Variants in TTN observed in about 807,000 individuals in gnomAD.
TTN encodes connectin.
TTN carries 1,525 observed loss-of-function variants against 3,223.0 expected under a neutral mutation model. That is an observed-to-expected ratio of 0.47 (90% CI 0.45 to 0.49). The LOEUF (loss-of-function observed/expected upper bound fraction) is 0.49. Ranked by LOEUF, TTN falls within the 20% of genes least tolerant of loss-of-function variation. TTN has a pLI of 0.00. For missense variants in TTN, 40,786 were observed against 43,424.0 expected (o/e 0.94, Z 5.40); for synonymous variants, 14,094 against 15,161.0 (o/e 0.93, Z 5.17).
chr2:178,550,679 G>A (rs754300481), intron 336 of TTN: 64 of 442,756 alleles, frequency 1.4e-4, no homozygotes, highest in Non-Finnish European at 9.2e-5. Context: ...ACTTATTCTC[G>A]AGAACCTTTT....
In TTN at chr2:178,794,483, C is replaced by A. The variant is rs565472070; in HGVS notation, c.1314G>T (p.Val438=). The A allele has an allele frequency of 1.2e-6, 2 of 1,614,214 alleles. No homozygotes were observed. Among genetic ancestry groups the A allele is most frequent in the Non-Finnish European group, 1.7e-6 (2 of 1,180,028 alleles). ...CTACAGCGCTGATCACTGGTTCTCT[C>A]ACTCTGGCCATATCAACGGCAGCAA... The part of the protein sequence containing the change: ...TVVAAVDMAR[V]REPVISAVEQ... Residue 438 remains valine, a synonymous_variant, in exon 8 of 363, where the codon GTG becomes GTT. Transcript: ENST00000589042.
In TTN at chr2:178,534,430, A is replaced by G. The variant is rs1690534459; in HGVS notation, c.102185T>C (p.Met34062Thr). The G allele has an allele frequency of 6.2e-7, 1 of 1,612,522 alleles. No individual in the cohort carries two copies. Among genetic ancestry groups the G allele is most frequent in the African/African-American group, 1.3e-5 (1 of 75,058 alleles). ...RLLVKERKSR[M>T]TASEALQHPW... ...GTGCTGGAGAGCCTCCGATGCTGTC[A>G]TGCGAGATTTCCTCTCTTTCACTAA... Residue 34062 changes from methionine to threonine, a missense_variant, in exon 358 of 363, where the codon ATG becomes ACG. Physicochemically the swap from Met to Thr is moderately conservative, Grantham distance 81 (BLOSUM62 -1). Coordinates refer to ENST00000589042, the MANE Select transcript of TTN (RefSeq NM_001267550.2).
Position 178,730,365 on chromosome 2 carries a change from G to A in TTN, c.18035C>T (p.Pro6012Leu). 2 of 1,594,712 alleles carry A rather than the reference G, an allele frequency of 1.3e-6. No individual in the cohort carries two copies. The highest frequency in any genetic ancestry group is 1.7e-4 in the Middle Eastern group (1 of 5,984). ...CSGHLTVKEPPYFVEKPQSQD... is the reference protein window; with the variant it reads ...CSGHLTVKEPLYFVEKPQSQD... ...TGACTGTGGCTTTTCCACAAAGTAA[G>A]GGGGTTCTGAGGTGAAAGAAAAAAC... The change falls in exon 62 of 363, where the codon CCT becomes CTT. Residue 6012 changes from proline (P) to leucine (L), a missense_variant. Physicochemically the swap from Pro to Leu is moderately conservative, Grantham distance 98. Coordinates refer to ENST00000589042, the MANE Select transcript of TTN (RefSeq NM_001267550.2).
At chr2:178,535,956 C>T (rs1406678308) in intron 357 of TTN, 26 bp downstream of exon 357, 2 of 1,522,882 alleles carry the variant, frequency 1.3e-6, no homozygotes, top group Non-Finnish European at 1.8e-6. Flanking sequence ...TTAGCCTCAA[C>T]TTGATGATAA....
intron 127 of TTN, 142 bp downstream of exon 127, chr2:178,687,969 A>G: frequency 3.1e-6 from 2 of 643,368 alleles, no homozygotes; most frequent in Admixed American, 2.9e-5. Flanking sequence ...TTTGATCAAA[A>G]TATTCATTTA....
rs771482021 is a variant in TTN, at chr2:178,557,580, A to G, written c.87707-25T>C. ...GCTACAAAAGAGAGAAATCCTATAG[A>G]TTAGTACAGACAATAACACATTTAT... is the stretch of plus-strand genomic sequence containing the variant. On this transcript the variant is annotated intron_variant, in intron 328 of 362. Coordinates refer to ENST00000589042, the MANE Select transcript of TTN (RefSeq NM_001267550.2). 3.8e-5 allele frequency: 61 copies of G among 1,613,576 alleles called. 1 individual carries two copies. The Middle Eastern group carries it at 6.6e-4, about 17-fold the overall frequency.
chr2:178,534,007 T>C lies in TTN; in HGVS notation c.102608A>G (p.Asp34203Gly). ...TACTTTGCATCTGTAGGTACCATCA[T>C]CTAATTTGGTAATGTCTTTGACATA... ...ILYVKDITKL[D>G]DGTYRCKVVN... The change falls in exon 358 of 363, where the codon GAT (aspartate) becomes GGT (glycine). Residue 34203 changes from aspartate to glycine, a missense_variant. Transcript: ENST00000589042. The C allele has an allele frequency of 6.2e-7, 1 of 1,613,980 alleles. No individual in the cohort carries two copies. Among genetic ancestry groups the C allele is most frequent in the Non-Finnish European group, 8.5e-7 (1 of 1,179,868 alleles).
chr2:178,535,998 G>A lies in TTN; in HGVS notation c.100749C>T (p.Ala33583=). Residue 33583 remains alanine (A), a synonymous_variant, in exon 357 of 363, where the codon GCC becomes GCT. Transcript: ENST00000589042. ...TNQGGSVSGT[A]SLEVEVPAKI... is the part of the protein sequence containing the mutation. ...TATTTTTACCTTCCACTTCCAAGGA[G>A]GCAGTGCCAGACACAGATCCCCCTT... 1 of 1,534,956 alleles carries A rather than the reference G, an allele frequency of 6.5e-7. No homozygotes were observed. Among genetic ancestry groups the A allele is most frequent in the Non-Finnish European group, 8.7e-7 (1 of 1,144,864 alleles).
intron 200 of TTN, 29 bp downstream of exon 200, chr2:178,652,819 T>A (rs1430966964): frequency 6.2e-7 from 1 of 1,606,178 alleles, no homozygotes; most frequent in East Asian, 2.2e-5. Context: ...GAGTTTGATC[T>A]TCTGAAGCCT....
chr2:178,756,562 A>G lies in TTN; in HGVS notation c.10914T>C (p.Leu3638=). 4 of 1,611,452 alleles carry G rather than the reference A, an allele frequency of 2.5e-6. No homozygotes were observed. The highest frequency in any genetic ancestry group is 3.4e-6 in the Non-Finnish European group (4 of 1,178,142). ...GCTCAGTGCTTTCTGCAATTTGTGA[A>G]AGGGATGCAGTATGGCACAACTGTG... ...QDTQLCHTAS[L]SQIAESTELS... The change falls in exon 46 of 363, where the codon CTT becomes CTC. Residue 3638 remains leucine (L), a synonymous_variant. Transcript: ENST00000589042.
Position 178,694,883 on chromosome 2 carries a change from T to G in TTN, c.31294A>C (p.Lys10432Gln). The G allele has an allele frequency of 6.4e-7, 1 of 1,557,026 alleles. No homozygotes were observed. Among genetic ancestry groups the G allele is most frequent in the Non-Finnish European group, 8.7e-7 (1 of 1,149,010 alleles). Residue 10432 changes from lysine to glutamine, a missense_variant, in exon 116 of 363, where the codon AAA (lysine) becomes CAA (glutamine). Lys to Gln is a moderately conservative substitution (Grantham distance 53). Coordinates refer to ENST00000589042, the MANE Select transcript of TTN (RefSeq NM_001267550.2). ...PKVIKKPVIEKIEKTSRRMEE... is the reference protein window; with the variant it reads ...PKVIKKPVIEQIEKTSRRMEE... Reference sequence around the variant, plus strand: ...ATTCTTCGAGAAGTCTTTTCAATTTTTTCAATTACTGGCTTCTTTATAACT... The same window carrying G: ...ATTCTTCGAGAAGTCTTTTCAATTTGTTCAATTACTGGCTTCTTTATAACT...
Position 178,585,107 on chromosome 2 carries a change from C to G in TTN, c.64637G>C (p.Gly21546Ala). Residue 21546 changes from glycine to alanine, a missense_variant, in exon 309 of 363, where the codon GGG becomes GCG. Coordinates refer to ENST00000589042, the MANE Select transcript of TTN (RefSeq NM_001267550.2). ...YYSLTAENSSGTDTQKIKVVV... is the reference protein window; with the variant it reads ...YYSLTAENSSATDTQKIKVVV... ...AACTTTGATTTTCTGAGTGTCTGTCCCAGAACTGTTCTCTGCTGTGAGGCT... is the reference window on the plus strand; with the variant it reads ...AACTTTGATTTTCTGAGTGTCTGTCGCAGAACTGTTCTCTGCTGTGAGGCT... The G allele has an allele frequency of 6.2e-7, 1 of 1,611,616 alleles. No homozygotes were observed. Among genetic ancestry groups the G allele is most frequent in the African/African-American group, 1.3e-5 (1 of 74,896 alleles).
At chr2:178,746,702 C>G in intron 47 of TTN, 1 of 1,613,424 alleles carries the variant, frequency 6.2e-7, no homozygotes, top group Non-Finnish European at 8.5e-7. Context: ...ATTACCCACT[C>G]TTTCCATTTT....
intron 240 of TTN, among the ~76,000 whole-genome samples, chr2:178,627,471 A>G (rs2059213410): frequency 6.6e-6 from 1 of 152,002 alleles, no homozygotes; most frequent in South Asian, 2.1e-4. Context: ...TTATTACTTC[A>G]AAGTTTATAT....
intron 281 of TTN, 145 bp from the exon 282 acceptor site, chr2:178,604,450 G>T (rs2054266562): frequency 2.6e-6 from 2 of 775,346 alleles, no homozygotes. Flanking sequence ...CAGAGAAAAG[G>T]AGAAAGCTTT....
chr2:178,610,069 T>G (rs775460909), intron 271 of TTN, 21 bp downstream of exon 271: 9 of 1,612,422 alleles, frequency 5.6e-6, no homozygotes, highest in Non-Finnish European at 7.6e-6. Context: ...TTAGCCATAG[T>G]GCATCCATGT....
At position 178,631,290 on chromosome 2, in the gene TTN, T is replaced by C. The variant is rs1460066290; in HGVS notation, c.43758A>G (p.Pro14586=). 6.2e-7 allele frequency: 1 copy of C among 1,607,986 alleles called. No individual in the cohort carries two copies. The change falls in exon 237 of 363, where the codon CCA becomes CCG. Residue 14586 remains proline (P), a synonymous_variant. Transcript: ENST00000589042. ...EAKLTVLEGD[P]YFTGKLQDYT... The stretch of plus-strand genomic sequence containing the variant: ...AATCTTGAAGTTTTCCTGTAAAATA[T>C]GGGTCTCCCTCTGCAAGTAAAGTAT...
chr2:178,767,993 T>C (rs2090810828), intron 39 of TTN, 21 bp downstream of exon 39: 3 of 1,614,130 alleles, frequency 1.9e-6, no homozygotes, highest in East Asian at 2.2e-5. Context: ...TACTGGAATG[T>C]AGCAAGACAA....
chr2:178,584,964 G>C lies in TTN; in HGVS notation c.64677C>G (p.Ala21559=). The C allele has an allele frequency of 1.2e-6, 2 of 1,613,034 alleles. No individual in the cohort carries two copies. Among genetic ancestry groups the C allele is most frequent in the South Asian group, 2.2e-5 (2 of 90,974 alleles). ...TQKIKVVVMD[A]PGPPQPPFDI... ...CAAATGGAGGCTGAGGGGGGCCGGG[G>C]GCATCTACATGAACCAAGAGGAAAG... Residue 21559 remains alanine, a synonymous_variant, in exon 310 of 363, where the codon GCC becomes GCG. Transcript: ENST00000589042.
Sources: allele counts gnomAD v4.1 joint callset (sites outside exome capture counted in the v4.1 genomes callset), GRCh38; gene constraint gnomAD v4.1.1; transcripts MANE v1.5; gene names NCBI Gene and HGNC (gene_info 2026-07-23, HGNC 2026-07-21).